Variants in SLC26A4 observed in about 807,000 individuals in gnomAD.
The protein encoded by SLC26A4 is pendrin.
Under a neutral mutation model 90.4 loss-of-function variants are expected in SLC26A4, and 93 were observed. The observed-to-expected ratio is 1.03, with a 90% confidence interval of 0.87 to 1.22. The LOEUF (loss-of-function observed/expected upper bound fraction) is 1.22, where lower values mean the gene tolerates loss of function less well. Among genes scored for constraint, SLC26A4 ranks in the 50% most tolerant of loss-of-function variants. The pLI is 0.00. For synonymous variants in SLC26A4, 393 were observed against 354.6 expected, an observed-to-expected ratio of 1.11 and a Z score of -1.22; for missense variants, 1,127 against 946.2, an observed-to-expected ratio of 1.19 and a Z score of -2.51.
intron 3 of SLC26A4, among the ~76,000 whole-genome samples, chr7:107,664,831 C>A (rs1321957894): frequency 1.3e-5 from 2 of 152,066 alleles, no homozygotes; most frequent in Non-Finnish European, 2.9e-5. Context: ...TCTGCCCCAC[C>A]CCCAACACCC....
Position 107,694,470 on chromosome 7 carries a change from C to G in SLC26A4, c.1331C>G (p.Pro444Arg), listed in dbSNP as rs1450835500. Residue 444 changes from proline to arginine, a missense_variant, in exon 11 of 21, where the codon CCC becomes CGC. By Grantham distance (103) the Pro-to-Arg change is moderately radical. Coordinates refer to ENST00000644269, the MANE Select transcript of SLC26A4 (RefSeq NM_000441.2). ...AILALGKLLE[P>R]LQKSVLAAVV... ...CTTGCCCTGGGGAAGCTTCTGGAAC[C>G]CTTGCAGAAGGTATAACCCTGCTTC... 6.2e-7 allele frequency: 1 copy of G among 1,612,076 alleles called. No homozygotes were observed. Among genetic ancestry groups the G allele is most frequent in the Non-Finnish European group, 8.5e-7 (1 of 1,178,278 alleles).
chr7:107,690,305 C>A (rs1028881534), intron 10 of SLC26A4, 68 bp downstream of exon 10: 2 of 949,764 alleles, frequency 2.1e-6, no homozygotes, highest in African/African-American at 3.2e-5. Context: ...GAGGAAGGCT[C>A]GCACCGAGCT....
At chr7:107,686,816 C>T (rs1029925124) in intron 8 of SLC26A4, among the ~76,000 whole-genome samples, 7 of 152,132 alleles carry the variant, frequency 4.6e-5, no homozygotes, top group African/African-American at 7.2e-5. Context: ...ATAGGTGGCC[C>T]GCAGAACATG....
At chr7:107,666,166 A>G (rs1324230339) in intron 3 of SLC26A4, among the ~76,000 whole-genome samples, 3 of 152,228 alleles carry the variant, frequency 2.0e-5, no homozygotes, top group Non-Finnish European at 2.9e-5. Flanking sequence ...AGATTGCAAT[A>G]TCTATTGTGG....
rs750365180 is a variant in SLC26A4, at chr7:107,675,087, A to ATGGAG, written c.745_749dup (p.Leu251GlufsTer40). 3 of 1,613,970 alleles carry ATGGAG rather than the reference A, an allele frequency of 1.9e-6. No homozygotes were observed. Among genetic ancestry groups the ATGGAG allele is most frequent in the Non-Finnish European group, 2.5e-6 (3 of 1,179,966 alleles). On this transcript the variant is annotated frameshift_variant, in exon 6 of 21. Coordinates refer to ENST00000644269, the MANE Select transcript of SLC26A4 (RefSeq NM_000441.2). LOFTEE classifies it high-confidence loss of function. ...CTCAATGTTTCAACCAAAAACTACA[A>ATGGAG]TGGAGTTCTCTCTATTATCTATGTA...
intron 17 of SLC26A4, among the ~76,000 whole-genome samples, chr7:107,702,827 C>T (rs1408928878): frequency 1.3e-5 from 2 of 151,976 alleles, no homozygotes; most frequent in Non-Finnish European, 2.9e-5. Context: ...TTAAGTATTA[C>T]ATTTCTATTT....
intron 6 of SLC26A4, among the ~76,000 whole-genome samples, chr7:107,677,709 G>A (rs184387263): frequency 6.1e-4 from 92 of 151,538 alleles, no homozygotes; most frequent in Middle Eastern, 6.8e-3. Flanking sequence ...TGTGTCAAGC[G>A]ATTCTTCCCC....
At chr7:107,694,813 T>C in intron 12 of SLC26A4, 97 bp downstream of exon 12, 2 of 876,890 alleles carry the variant, frequency 2.3e-6, no homozygotes, top group South Asian at 1.4e-5. Flanking sequence ...TAAGTCTCAC[T>C]TGTGCTTTGG....
Position 107,690,208 on chromosome 7 carries a change from G to A in SLC26A4, c.1234G>A (p.Val412Ile), listed in dbSNP as rs111033527. Reference sequence around the variant, plus strand: ...CACCACTGCTCTTTCCCGCACGGCCGTCCAGGAGAGCACTGGAGGAAAGAC... The same window carrying A: ...CACCACTGCTCTTTCCCGCACGGCCATCCAGGAGAGCACTGGAGGAAAGAC... ...VATTALSRTAVQESTGGKTQV... is the reference protein window; with the variant it reads ...VATTALSRTAIQESTGGKTQV... Residue 412 changes from valine (V) to isoleucine (I), a missense_variant, in exon 10 of 21, where the codon GTC becomes ATC. Physicochemically the swap from Val to Ile is conservative, Grantham distance 29. Coordinates refer to ENST00000644269, the MANE Select transcript of SLC26A4 (RefSeq NM_000441.2). 5.3e-5 allele frequency: 85 copies of A among 1,609,928 alleles called. No individual in the cohort carries two copies. The Middle Eastern group carries it at 1.2e-3, about 22-fold the overall frequency.
At chr7:107,696,669 A>T (rs1791751607) in intron 13 of SLC26A4, among the ~76,000 whole-genome samples, 2 of 152,210 alleles carry the variant, frequency 1.3e-5, no homozygotes, top group Admixed American at 6.5e-5. Context: ...ATTAGCTCAT[A>T]TGCAGAGTGA....
At chr7:107,672,305 T>C (rs1790892854) in intron 4 of SLC26A4, 57 bp downstream of exon 4, 2 of 1,100,692 alleles carry the variant, frequency 1.8e-6, no homozygotes, top group South Asian at 1.3e-5. Context: ...GTTTTGGCTA[T>C]ATTAAGTGCA....
chr7:107,693,621 C>T lies in SLC26A4; in HGVS notation c.1264-782C>T, dbSNP rs975865229. On this transcript the variant is annotated intron_variant, in intron 10 of 20. Transcript: ENST00000644269. The stretch of plus-strand genomic sequence containing the variant: ...AGAATTCATTGGTCATCTAATCAAA[C>T]GAGAGAGTAGTCCCCACCCCCTCAG... 2.0e-5 allele frequency: 20 copies of T among 985,536 alleles called. No homozygotes were observed. The South Asian group carries it at 2.8e-4, about 14-fold the overall frequency. 61.0% of individuals were successfully genotyped at this position (985,536 alleles called of 1,614,324 possible). A position where few individuals can be genotyped will look rare whatever the true frequency, so the allele number is the denominator to read the frequency against.
intron 10 of SLC26A4, chr7:107,691,903 T>C: frequency 7.8e-7 from 1 of 1,281,888 alleles, no homozygotes; most frequent in Non-Finnish European, 1.0e-6. Flanking sequence ...GCTGTGCACA[T>C]TTCAGGCTGC....
At chr7:107,681,604 G>C (rs1235865366) in intron 6 of SLC26A4, among the ~76,000 whole-genome samples, 3 of 152,122 alleles carry the variant, frequency 2.0e-5, no homozygotes, top group African/African-American at 7.2e-5. Flanking sequence ...TTGTCTCAAA[G>C]AAATGTCTCA....
chr7:107,691,514 T>TATACACACACACACACAC (rs1417607238), intron 10 of SLC26A4, among the ~76,000 whole-genome samples: 3 of 131,044 alleles, frequency 2.3e-5, no homozygotes, highest in Non-Finnish European at 3.2e-5. Context: ...AATATATATA[T>TATACACACACACACACAC]ACACACACAC....
At chr7:107,669,366 T>C (rs1232853227) in intron 3 of SLC26A4, among the ~76,000 whole-genome samples, 2 of 152,206 alleles carry the variant, frequency 1.3e-5, no homozygotes, top group South Asian at 2.1e-4. Flanking sequence ...TGGGACACTC[T>C]GTATGAAAAC....
chr7:107,684,527 T>G (rs896195702), intron 8 of SLC26A4, among the ~76,000 whole-genome samples: 3 of 152,206 alleles, frequency 2.0e-5, no homozygotes, highest in Admixed American at 6.5e-5. Flanking sequence ...CTAATATCTG[T>G]TCCAAACTAT....
intron 3 of SLC26A4, among the ~76,000 whole-genome samples, chr7:107,665,708 A>C (rs1320806434): frequency 6.6e-6 from 1 of 152,228 alleles, no homozygotes; most frequent in Non-Finnish European, 1.5e-5. Context: ...CACTATGCTA[A>C]GTAAGAATGT....
chr7:107,694,261 T>C, intron 10 of SLC26A4, 142 bp from the exon 11 acceptor site: 1 of 720,230 alleles, frequency 1.4e-6, no homozygotes, highest in Non-Finnish European at 2.5e-6. Context: ...CTATCACTTT[T>C]CTCGACAGTA....
Sources: gnomAD v4.1 joint callset for allele counts (sites outside exome capture counted in the v4.1 genomes callset) on GRCh38, gnomAD v4.1.1 for gene constraint, MANE v1.5 for transcripts, NCBI Gene and HGNC (gene_info 2026-07-23, HGNC 2026-07-21) for gene names.